The following CTDSPL2 variants were observed in gnomAD, a reference collection of about 807,000 sequenced individuals.
CTDSPL2 encodes CTD small phosphatase like 2, also known as CTD small phosphatase-like protein 2.
In CTDSPL2, 5 loss-of-function variants were observed where a neutral mutation model predicts 60.0. The observed-to-expected ratio is 0.08, with a 90% CI of 0.04 to 0.18. The LOEUF (loss-of-function observed/expected upper bound fraction) is 0.18. CTDSPL2 is among the 10% of genes least tolerant of loss of function. CTDSPL2 has a pLI of 1.00. For missense variants in CTDSPL2, 370 were observed against 548.8 expected (o/e 0.67, Z 3.26); for synonymous variants, 186 against 189.3 (o/e 0.98, Z 0.14).
chr15:44,511,911 C>CG (rs1407795075), intron 8 of CTDSPL2, among the ~76,000 whole-genome samples: 3 of 144,748 alleles, frequency 2.1e-5, no homozygotes, highest in African/African-American at 7.7e-5. Flanking sequence ...GAAACTTAGT[C>CG]GGGTGTGATG....
intron 10 of CTDSPL2, chr15:44,516,515 T>G (rs996780109): frequency 1.3e-5 from 2 of 152,216 alleles, no homozygotes; most frequent in Non-Finnish European, 2.9e-5. Flanking sequence ...GTATTTTCTG[T>G]TCACAAAAGT....
chr15:44,435,267 A>G (rs976224708), intron 1 of CTDSPL2, among the ~76,000 whole-genome samples: 50 of 151,772 alleles, frequency 3.3e-4, no homozygotes, highest in African/African-American at 1.2e-3. Context: ...AAAAAAAAAA[A>G]AAAAAAAAAA....
At chr15:44,473,779 CGTCT>C (rs1369403447) in intron 2 of CTDSPL2, among the ~76,000 whole-genome samples, 3 of 152,176 alleles carry the variant, frequency 2.0e-5, no homozygotes, top group African/African-American at 7.2e-5. Flanking sequence ...GCTATTTCAC[CGTCT>C]AACATTCCAT....
At chr15:44,523,467 A>G (rs1307173074) in intron 12 of CTDSPL2, among the ~76,000 whole-genome samples, 1 of 151,820 alleles carries the variant, frequency 6.6e-6, no homozygotes, top group Non-Finnish European at 1.5e-5. Flanking sequence ...CTTGCTGGGC[A>G]TTGTGGTGTG....
intron 1 of CTDSPL2, among the ~76,000 whole-genome samples, chr15:44,441,443 A>G (rs1431842589): frequency 6.6e-6 from 1 of 152,132 alleles, no homozygotes; most frequent in Non-Finnish European, 1.5e-5. Flanking sequence ...CCTTTGGTGG[A>G]GGTCTGTGGA....
rs369801981 is a variant in CTDSPL2, at chr15:44,484,288, C to T, written c.251C>T (p.Thr84Met). 1.3e-5 allele frequency: 21 copies of T among 1,612,350 alleles called. 1 individual carries two copies. Among genetic ancestry groups the T allele is most frequent in the Non-Finnish European group, 1.6e-5 (19 of 1,178,836 alleles). ...CGTGATATAGATAACAATTTGATCACGTCAACACCAAGAGCAGGAGAAAAA... is the reference window on the plus strand; with the variant it reads ...CGTGATATAGATAACAATTTGATCATGTCAACACCAAGAGCAGGAGAAAAA... ...IERDIDNNLI[T>M]STPRAGEKPN... The change falls in exon 3 of 13, where the codon ACG (threonine) becomes ATG (methionine). Residue 84 changes from threonine (T) to methionine (M), a missense_variant. By Grantham distance (81) the Thr-to-Met change is moderately conservative. Transcript: ENST00000260327.
intron 2 of CTDSPL2, among the ~76,000 whole-genome samples, chr15:44,461,720 C>G (rs568854004): frequency 2.4e-4 from 36 of 151,338 alleles, no homozygotes; most frequent in African/African-American, 8.7e-4. Context: ...TGTATTCTTA[C>G]AATAAAGTAA....
Position 44,506,412 on chromosome 15 carries a change from C to CTTTTTTTTTT in CTDSPL2, c.969+6611_969+6620dup, listed in dbSNP as rs764238056. On this transcript the variant is annotated intron_variant, in intron 8 of 12. Transcript: ENST00000260327. ...TAAGCTTCATTTTATCCTACTTTGA[C>CTTTTTTTTTT]TTTTTTTTTTTTTTTTTTTTTGGAG... Among the ~76,000 whole-genome samples the CTTTTTTTTTT allele has an allele frequency of 1.5e-3, 164 of 112,382 alleles. 1 individual carries two copies. The highest frequency in any genetic ancestry group is 4.3e-3 in the Admixed American group (48 of 11,204). The allele number at this position is 112,382 out of a possible 152,430, so 73.7% of individuals were successfully genotyped here.
At chr15:44,456,191 GTCTAAAAT>G (rs1192711370) in intron 1 of CTDSPL2, among the ~76,000 whole-genome samples, 1 of 152,182 alleles carries the variant, frequency 6.6e-6, no homozygotes, top group Non-Finnish European at 1.5e-5. Context: ...AAGGATATTG[GTCTAAAAT>G]TCTCTTTTTT....
chr15:44,450,902 T>A (rs573938004), intron 1 of CTDSPL2, among the ~76,000 whole-genome samples: 10 of 151,976 alleles, frequency 6.6e-5, no homozygotes, highest in Non-Finnish European at 1.5e-4. Context: ...CTGGCCAATA[T>A]TCTCAAATTT....
intron 2 of CTDSPL2, among the ~76,000 whole-genome samples, chr15:44,472,517 T>G (rs2140744302): frequency 6.6e-6 from 1 of 152,270 alleles, no homozygotes; most frequent in Non-Finnish European, 1.5e-5. Context: ...AATTGTATTA[T>G]TTTTATTATT....
chr15:44,523,294 G>A (rs1289884980), intron 12 of CTDSPL2, among the ~76,000 whole-genome samples: 1 of 152,238 alleles, frequency 6.6e-6, no homozygotes, highest in East Asian at 1.9e-4. Context: ...ACTGCACCCA[G>A]CAGTAATCCC....
intron 8 of CTDSPL2, among the ~76,000 whole-genome samples, chr15:44,506,626 G>A (rs1468512493): frequency 6.6e-6 from 1 of 151,714 alleles, no homozygotes; most frequent in Admixed American, 6.6e-5. Context: ...TGTTGCCCAG[G>A]CTGGTCTCAA....
intron 7 of CTDSPL2, among the ~76,000 whole-genome samples, chr15:44,499,056 A>G (rs1294544305): frequency 6.6e-6 from 1 of 152,198 alleles, no homozygotes; most frequent in Non-Finnish European, 1.5e-5. Context: ...TGGCAACTGC[A>G]GAACTCAAAG....
chr15:44,431,403 T>G (rs1034909608), intron 1 of CTDSPL2, among the ~76,000 whole-genome samples: 19 of 152,248 alleles, frequency 1.2e-4, no homozygotes, highest in African/African-American at 4.1e-4. Context: ...ACTACATTAA[T>G]TTTTTAATTT....
intron 1 of CTDSPL2, among the ~76,000 whole-genome samples, chr15:44,429,673 C>G (rs1473239358): frequency 6.6e-6 from 1 of 152,162 alleles, no homozygotes; most frequent in African/African-American, 2.4e-5. Context: ...CGAGAACAGC[C>G]TGGCCAACAT....
rs775461905 is a variant in CTDSPL2, at chr15:44,484,185, A to T, written c.187-39A>T. ...ATATTGTAACCTGTAAGGCAGAATG[A>T]TTGTGCTTAGTGTGTTTTTTTTTCT... is the stretch of plus-strand genomic sequence containing the variant. On this transcript the variant is annotated intron_variant, in intron 2 of 12. Transcript: ENST00000260327. 4 of 1,548,444 alleles carry T rather than the reference A, an allele frequency of 2.6e-6. No homozygotes were observed. The South Asian group carries it at 4.7e-5, about 18-fold the overall frequency.
chr15:44,449,977 C>T (rs1041237989), intron 1 of CTDSPL2, among the ~76,000 whole-genome samples: 1 of 135,322 alleles, frequency 7.4e-6, no homozygotes, highest in Admixed American at 8.0e-5. Flanking sequence ...GGTGACAGAG[C>T]GAGTCTGTCT....
chr15:44,454,257 A>C (rs1368516601), intron 1 of CTDSPL2, among the ~76,000 whole-genome samples: 2 of 151,880 alleles, frequency 1.3e-5, no homozygotes, highest in African/African-American at 4.8e-5. Context: ...AATATCCTTC[A>C]CCCACTTTTT....
Sources: gnomAD v4.1 joint callset for allele counts (sites outside exome capture counted in the v4.1 genomes callset) on GRCh38, gnomAD v4.1.1 for gene constraint, MANE v1.5 for transcripts, NCBI Gene and HGNC (gene_info 2026-07-23, HGNC 2026-07-21) for gene names.